The following ZBTB20 variants were observed in gnomAD, a reference collection of about 807,000 sequenced individuals.
ZBTB20 encodes the protein zinc finger and BTB domain-containing protein 20.
A neutral mutation model predicts 56.9 loss-of-function variants in ZBTB20; 9 were observed. The ratio of observed to expected loss-of-function variants is 0.16; its 90% CI spans 0.10 to 0.28. The LOEUF is 0.28. ZBTB20 is among the 10% of genes least tolerant of loss of function. The pLI is 1.00. For missense variants in ZBTB20, 655 were observed against 1,003.0 expected (o/e 0.65, Z 4.69); for synonymous variants, 417 against 420.7 (o/e 0.99, Z 0.11).
At chr3:114,627,945 T>C (rs1338928396) in intron 6 of ZBTB20, among the ~76,000 whole-genome samples, 2 of 152,090 alleles carry the variant, frequency 1.3e-5, no homozygotes, top group African/African-American at 2.4e-5. Context: ...GGGCTGGGAG[T>C]TGGGAAATGT....
At chr3:114,516,658 G>GT (rs2046031562) in intron 6 of ZBTB20, among the ~76,000 whole-genome samples, 1 of 152,188 alleles carries the variant, frequency 6.6e-6, no homozygotes, top group African/African-American at 2.4e-5. Context: ...ATGCTGTAGA[G>GT]TGGGCCTGCA....
chr3:114,906,333 T>C (rs1055793980), intron 3 of ZBTB20, among the ~76,000 whole-genome samples: 2 of 151,792 alleles, frequency 1.3e-5, no homozygotes, highest in African/African-American at 4.8e-5. Context: ...AAATCTTTTA[T>C]TGTAAATTCT....
chr3:114,801,316 T>TTTTTTTTTTTTTTC (rs2071695398), intron 4 of ZBTB20, 142 bp from the exon 5 acceptor site: 1 of 149,196 alleles, frequency 6.7e-6, no homozygotes, highest in African/African-American at 2.4e-5. Flanking sequence ...TTTTTTTTTT[T>TTTTTTTTTTTTTTC]TTTTTCTGTT....
intron 1 of ZBTB20, among the ~76,000 whole-genome samples, chr3:115,123,513 A>G (rs1181974678): frequency 7.2e-5 from 11 of 152,340 alleles, no homozygotes; most frequent in Admixed American, 7.2e-4. Flanking sequence ...TTTCTTTACT[A>G]GAAACACTAA....
intron 5 of ZBTB20, among the ~76,000 whole-genome samples, chr3:114,717,719 C>T (rs2064589133): frequency 6.6e-6 from 1 of 152,066 alleles, no homozygotes; most frequent in African/African-American, 2.4e-5. Context: ...CGTATCTTCA[C>T]TTTCTATTCT....
At chr3:114,667,772 A>G (rs1214764604) in intron 6 of ZBTB20, among the ~76,000 whole-genome samples, 1 of 152,024 alleles carries the variant, frequency 6.6e-6, no homozygotes, top group Non-Finnish European at 1.5e-5. Context: ...TACTTTTTTG[A>G]AAATAAAATA....
At chr3:114,995,557 A>G (rs2078991941) in intron 2 of ZBTB20, among the ~76,000 whole-genome samples, 1 of 151,824 alleles carries the variant, frequency 6.6e-6, no homozygotes, top group South Asian at 2.1e-4. Flanking sequence ...GCTTCACCCT[A>G]AGTCACAAAT....
intron 1 of ZBTB20, among the ~76,000 whole-genome samples, chr3:115,138,905 G>T (rs142449848): frequency 1.6e-4 from 25 of 152,102 alleles, no homozygotes; most frequent in African/African-American, 6.0e-4. Context: ...GGCTTTAGAA[G>T]AGTTACAGTG....
At chr3:114,540,655 C>G (rs943992486) in intron 6 of ZBTB20, among the ~76,000 whole-genome samples, 2 of 152,086 alleles carry the variant, frequency 1.3e-5, no homozygotes, top group African/African-American at 4.8e-5. Context: ...GTCTCCACTT[C>G]TAAACGCTAA....
intron 6 of ZBTB20, among the ~76,000 whole-genome samples, chr3:114,677,406 T>C (rs1237424335): frequency 6.6e-6 from 1 of 152,182 alleles, no homozygotes; most frequent in African/African-American, 2.4e-5. Context: ...CATTACTGCC[T>C]GAGCTCTGCC....
intron 5 of ZBTB20, among the ~76,000 whole-genome samples, chr3:114,775,383 G>A (rs899128852): frequency 2.6e-5 from 4 of 151,946 alleles, no homozygotes; most frequent in Admixed American, 2.0e-4. Context: ...TGTTGAGGAT[G>A]GTGGATATAT....
At chr3:114,851,458 TATA>T (rs1338738614) in intron 4 of ZBTB20, among the ~76,000 whole-genome samples, 1 of 152,144 alleles carries the variant, frequency 6.6e-6, no homozygotes, top group Admixed American at 6.5e-5. Context: ...TTTTCACATA[TATA>T]TATAAAGTAT....
At chr3:115,022,391 A>G (rs531819910) in intron 2 of ZBTB20, among the ~76,000 whole-genome samples, 70 of 151,156 alleles carry the variant, frequency 4.6e-4, no homozygotes, top group African/African-American at 1.6e-3. Flanking sequence ...CAGTATAGCT[A>G]TTGCTCTAAA....
At chr3:114,705,882 G>A (rs2108404889) in intron 5 of ZBTB20, among the ~76,000 whole-genome samples, 1 of 152,258 alleles carries the variant, frequency 6.6e-6, no homozygotes, top group South Asian at 2.1e-4. Context: ...ATCCATACAT[G>A]CAGCTCTTCA....
intron 3 of ZBTB20, among the ~76,000 whole-genome samples, chr3:114,972,886 G>C (rs1039857186): frequency 6.6e-6 from 1 of 151,584 alleles, no homozygotes; most frequent in Non-Finnish European, 1.5e-5. Flanking sequence ...CACACAGACA[G>C]GTTGCTAACT....
intron 4 of ZBTB20, among the ~76,000 whole-genome samples, chr3:114,860,030 C>T (rs557180195): frequency 1.2e-3 from 179 of 152,136 alleles, no homozygotes; most frequent in Non-Finnish European, 1.9e-3. Flanking sequence ...AAATTACAGC[C>T]GGGCGCGGTG....
At chr3:114,983,811 G>C (rs1382634577) in intron 2 of ZBTB20, among the ~76,000 whole-genome samples, 1 of 151,914 alleles carries the variant, frequency 6.6e-6, no homozygotes. Flanking sequence ...TAAATGCTTA[G>C]AAATTTTCCA....
chr3:114,848,776 T>C (rs966049544), intron 4 of ZBTB20, among the ~76,000 whole-genome samples: 1 of 152,224 alleles, frequency 6.6e-6, no homozygotes, highest in East Asian at 1.9e-4. Context: ...AAGAATCTGC[T>C]GCCCAGGGCG....
chr3:114,661,184 C>A (rs943369397), intron 6 of ZBTB20, among the ~76,000 whole-genome samples: 12 of 152,056 alleles, frequency 7.9e-5, no homozygotes, highest in Non-Finnish European at 1.5e-4. Flanking sequence ...TCTACCTCAA[C>A]ATTTGGTGTC....
Sources: allele counts gnomAD v4.1 joint callset (sites outside exome capture counted in the v4.1 genomes callset), GRCh38; gene constraint gnomAD v4.1.1; transcripts MANE v1.5; gene names NCBI Gene and HGNC (gene_info 2026-07-23, HGNC 2026-07-21).